SPSB1: variants seen among roughly 807,000 people sequenced by gnomAD.
SPSB1 encodes splA/ryanodine receptor domain and SOCS box containing 1, also known as SPRY domain-containing SOCS box protein 1.
SPSB1 carries 8 observed loss-of-function variants against 21.2 expected under a neutral mutation model. The observed-to-expected ratio is 0.38, with a 90% CI of 0.22 to 0.68. The LOEUF is 0.68. Among genes scored for constraint, SPSB1 ranks in the 30% least tolerant of loss-of-function variants. SPSB1 has a pLI of 0.53. For synonymous variants in SPSB1, 169 were observed against 161.7 expected, an observed-to-expected ratio of 1.05 and a Z score of -0.34; for missense variants, 242 against 377.8, an observed-to-expected ratio of 0.64 and a Z score of 2.98.
At chr1:9,354,453 C>T (rs1274835485) in intron 1 of SPSB1, among the ~76,000 whole-genome samples, 2 of 152,060 alleles carry the variant, frequency 1.3e-5, no homozygotes, top group Non-Finnish European at 2.9e-5. Context: ...CTCTCTGGTC[C>T]CTTCCAGAGG....
chr1:9,359,664 T>G (rs1317943360), intron 2 of SPSB1, among the ~76,000 whole-genome samples: 2 of 148,488 alleles, frequency 1.3e-5, no homozygotes, highest in Admixed American at 6.8e-5. Context: ...ATTGCACCAC[T>G]GTACTCTAGC....
rs1405073039 is a variant in SPSB1, at chr1:9,348,251, A to C, written c.-149-7492A>C. Among the ~76,000 whole-genome samples, 2 of 149,172 alleles carry C rather than the reference A, an allele frequency of 1.3e-5. No individual in the cohort carries two copies. The highest frequency in any genetic ancestry group is 3.0e-5 in the Non-Finnish European group (2 of 67,346). On this transcript the variant is annotated intron_variant, in intron 1 of 2. Transcript: ENST00000328089. The surrounding 1 kb of genome is among the most constrained non-coding windows in gnomAD (Gnocchi z 4.8). Reference sequence around the variant, plus strand: ...TGAGCCACCGCGGCAACTTTTTTTAACCCTGGGCATCCCACAGCACTGTCT... The same window carrying C: ...TGAGCCACCGCGGCAACTTTTTTTACCCCTGGGCATCCCACAGCACTGTCT...
rs117529410 is a variant in SPSB1 at position 9,354,937 on chromosome 1, G to A, written c.-149-806G>A. On this transcript the variant is annotated intron_variant, in intron 1 of 2. Coordinates refer to ENST00000328089, the MANE Select transcript of SPSB1 (RefSeq NM_025106.4). ...GGGATGGTGAGGCCAGAGAGGGAAC[G>A]AGGCATCCTAGCATCGGACTTTCCT... Among the ~76,000 whole-genome samples, 95 of 152,294 alleles carry A rather than the reference G, an allele frequency of 6.2e-4. No individual in the cohort carries two copies. In the East Asian group the frequency reaches 0.018, roughly 29 times the overall value.
intron 1 of SPSB1, among the ~76,000 whole-genome samples, chr1:9,326,023 G>A (rs1639810486): frequency 6.6e-6 from 1 of 152,050 alleles, no homozygotes. Context: ...GGAGGAGTGT[G>A]GGCTCCATGA....
At chr1:9,322,837 G>A (rs571173395) in intron 1 of SPSB1, among the ~76,000 whole-genome samples, 13 of 152,088 alleles carry the variant, frequency 8.5e-5, no homozygotes, top group Middle Eastern at 3.5e-3. Context: ...GAAGCGCTGC[G>A]TTAGGTCACC....
Position 9,344,438 on chromosome 1 carries a change from C to A in SPSB1, c.-149-11305C>A, listed in dbSNP as rs554171001. ...AGGCCTGTGGGTCTCGTGACGGGAC[C>A]GAGCAACTTGGGTCACCCCTGTGAG... On this transcript the variant is annotated intron_variant, in intron 1 of 2. Transcript: ENST00000328089. Among the ~76,000 whole-genome samples, 32 of 152,272 alleles carry A rather than the reference C, an allele frequency of 2.1e-4. No homozygotes were observed. The East Asian group carries it at 6.0e-3, about 29-fold the overall frequency.
In SPSB1 at chr1:9,305,612, C is replaced by G. The variant is rs892826746; in HGVS notation, c.-150+12541C>G. Among the ~76,000 whole-genome samples the G allele has an allele frequency of 6.6e-6, 1 of 152,194 alleles. No homozygotes were observed. The highest frequency in any genetic ancestry group is 2.4e-5 in the African/African-American group (1 of 41,454). ...TGCTGGGGGTGGGGACTCCCCGTCACGGAACTAAACTGCCAGGTGTTCCGT... is the reference window on the plus strand; with the variant it reads ...TGCTGGGGGTGGGGACTCCCCGTCAGGGAACTAAACTGCCAGGTGTTCCGT... On this transcript the variant is annotated intron_variant, in intron 1 of 2. Transcript: ENST00000328089. This position sits in a 1 kb window ranked among gnomAD's most constrained non-coding sequence, Gnocchi z 4.8.
intron 2 of SPSB1, among the ~76,000 whole-genome samples, chr1:9,357,566 T>C (rs1640394079): frequency 6.6e-6 from 1 of 152,198 alleles, no homozygotes; most frequent in Non-Finnish European, 1.5e-5. Flanking sequence ...AGAGTCTTTC[T>C]CTTCTGCCAG....
intron 2 of SPSB1, among the ~76,000 whole-genome samples, chr1:9,357,818 G>T (rs1037383136): frequency 6.6e-6 from 1 of 152,160 alleles, no homozygotes; most frequent in African/African-American, 2.4e-5. Context: ...AGGGCCTGGC[G>T]TTGCAGAACG....
intron 1 of SPSB1, among the ~76,000 whole-genome samples, chr1:9,308,193 G>A (rs1248556146): frequency 1.3e-5 from 2 of 152,200 alleles, no homozygotes; most frequent in African/African-American, 2.4e-5. Flanking sequence ...TGACAGAGAG[G>A]ATGACAGAAG....
intron 1 of SPSB1, among the ~76,000 whole-genome samples, chr1:9,300,047 C>T (rs921959688): frequency 6.6e-6 from 1 of 151,264 alleles, no homozygotes. Flanking sequence ...AGCAAGAAGT[C>T]GCAACCACTG....
chr1:9,293,082 C>T lies in SPSB1; in HGVS notation c.-150+11C>T. On this transcript the variant is annotated intron_variant, in intron 1 of 2. Transcript: ENST00000328089. This position sits in a 1 kb window ranked among gnomAD's most constrained non-coding sequence, Gnocchi z 5.1. ...GGCACCCCGGGCGCGGTAGGCGGCGCGGGGCACCTGGGACCCCGATGGGTG... is the reference window on the plus strand; with the variant it reads ...GGCACCCCGGGCGCGGTAGGCGGCGTGGGGCACCTGGGACCCCGATGGGTG... 1 of 978,908 alleles carries T rather than the reference C, an allele frequency of 1.0e-6. No individual in the cohort carries two copies. Among genetic ancestry groups the T allele is most frequent in the Non-Finnish European group, 1.2e-6 (1 of 825,660 alleles). The allele number at this position is 978,908 out of a possible 1,614,324, so 60.6% of individuals were successfully genotyped here. A position where few individuals can be genotyped will look rare whatever the true frequency, so the allele number is the denominator to read the frequency against.
At chr1:9,333,095 G>C (rs561020674) in intron 1 of SPSB1, among the ~76,000 whole-genome samples, 13 of 152,326 alleles carry the variant, frequency 8.5e-5, no homozygotes, top group African/African-American at 2.9e-4. Context: ...CAGCCTCCCA[G>C]GTGCACACTC....
At chr1:9,351,981 C>T (rs1324912122) in intron 1 of SPSB1, among the ~76,000 whole-genome samples, 3 of 152,332 alleles carry the variant, frequency 2.0e-5, no homozygotes, top group Non-Finnish European at 2.9e-5. Flanking sequence ...CCGGGGAAAA[C>T]GCCCCACCCT....
intron 1 of SPSB1, among the ~76,000 whole-genome samples, chr1:9,318,441 C>G (rs1429289566): frequency 2.0e-5 from 3 of 152,208 alleles, no homozygotes; most frequent in Non-Finnish European, 4.4e-5. Context: ...CCCACGAAGC[C>G]CCCCTGCCAT....
intron 1 of SPSB1, among the ~76,000 whole-genome samples, chr1:9,318,670 G>T (rs1610407): frequency 0.073 from 11,177 of 152,228 alleles, 1,181 homozygotes; most frequent in African/African-American, 0.24. Context: ...CTGGTGCCTC[G>T]GAGGCAGCTG....
At chr1:9,307,223 T>A (rs750883425) in intron 1 of SPSB1, among the ~76,000 whole-genome samples, 2 of 152,238 alleles carry the variant, frequency 1.3e-5, no homozygotes, top group African/African-American at 4.8e-5. Flanking sequence ...CCACTGTGCC[T>A]GGCCGTCTTT....
At chr1:9,314,243 C>G (rs1016976853) in intron 1 of SPSB1, among the ~76,000 whole-genome samples, 10 of 151,954 alleles carry the variant, frequency 6.6e-5, no homozygotes, top group Non-Finnish European at 1.3e-4. Flanking sequence ...CAAATATCCA[C>G]CTGACATTTT....
At chr1:9,303,868 G>T (rs1179349196) in intron 1 of SPSB1, among the ~76,000 whole-genome samples, 2 of 152,208 alleles carry the variant, frequency 1.3e-5, no homozygotes, top group South Asian at 2.1e-4. Context: ...TGGATAGATG[G>T]TAAAGCATTG....
Sources: gnomAD v4.1 joint callset for allele counts (sites outside exome capture counted in the v4.1 genomes callset) on GRCh38, gnomAD v4.1.1 for gene constraint, Gnocchi (gnomAD v3.1) non-coding constraint, MANE v1.5 for transcripts, NCBI Gene and HGNC (gene_info 2026-07-23, HGNC 2026-07-21) for gene names.